TRPC7: variants seen among roughly 807,000 people sequenced by gnomAD.
The protein encoded by TRPC7 is short transient receptor potential channel 7.
A neutral mutation model predicts 90.1 loss-of-function variants in TRPC7; 42 were observed. The ratio of observed to expected loss-of-function variants is 0.47; its 90% confidence interval spans 0.36 to 0.60. The LOEUF is 0.60. Among genes scored for constraint, TRPC7 ranks in the 20% least tolerant of loss-of-function variants. The probability of loss-of-function intolerance (pLI) is 0.00; values close to 1 mark genes in which losing one functional copy is unlikely to be tolerated. For missense variants in TRPC7, 955 were observed against 1,112.3 expected, an observed-to-expected ratio of 0.86 and a Z score of 2.01; for synonymous variants, 451 against 436.3, an observed-to-expected ratio of 1.03 and a Z score of -0.42.
At chr5:136,233,983 G>A (rs1261279667) in intron 7 of TRPC7, among the ~76,000 whole-genome samples, 1 of 152,166 alleles carries the variant, frequency 6.6e-6, no homozygotes, top group Non-Finnish European at 1.5e-5. Flanking sequence ...GTTCCAGCAA[G>A]GTAATATTTA....
At chr5:136,286,079 G>T (rs1757704980) in intron 3 of TRPC7, among the ~76,000 whole-genome samples, 1 of 152,192 alleles carries the variant, frequency 6.6e-6, no homozygotes. Context: ...TTGGAACAGT[G>T]TCCAGTACAT....
At chr5:136,243,442 T>C (rs1280311692) in intron 7 of TRPC7, among the ~76,000 whole-genome samples, 3 of 152,120 alleles carry the variant, frequency 2.0e-5, no homozygotes, top group East Asian at 1.9e-4. Flanking sequence ...CTGAGTTCTA[T>C]AGACTCCTGC....
At chr5:136,287,698 A>C (rs1461562019) in intron 3 of TRPC7, among the ~76,000 whole-genome samples, 1 of 34,648 alleles carries the variant, frequency 2.9e-5, no homozygotes, top group Non-Finnish European at 5.2e-5. Context: ...AAAAAAAAAA[A>C]AAAAAAAAAA....
intron 3 of TRPC7, among the ~76,000 whole-genome samples, chr5:136,305,574 C>T (rs1277862285): frequency 6.6e-6 from 1 of 152,078 alleles, no homozygotes; most frequent in Non-Finnish European, 1.5e-5. Flanking sequence ...ACTAAAATAC[C>T]TCTTAGTCTA....
At chr5:136,316,425 A>G (rs1199664160) in intron 2 of TRPC7, among the ~76,000 whole-genome samples, 1 of 152,220 alleles carries the variant, frequency 6.6e-6, no homozygotes, top group Non-Finnish European at 1.5e-5. Flanking sequence ...TTTAAAAATC[A>G]AATGTAATTT....
chr5:136,361,631 T>A (rs923732784), intron 1 of TRPC7, among the ~76,000 whole-genome samples: 27 of 152,194 alleles, frequency 1.8e-4, no homozygotes, highest in African/African-American at 6.0e-4. Flanking sequence ...ATATTTGTTG[T>A]CTCTTTTCTA....
In TRPC7 at chr5:136,241,815, C is replaced by T. The variant is rs189851118; in HGVS notation, c.1844+5656G>A. ...AAGTGATCCACCTGCCTTGGCCTCC[C>T]AAACTGCTGGGATTATAGGTGTGAG... is the stretch of plus-strand genomic sequence containing the variant. On this transcript the variant is annotated intron_variant, in intron 7 of 11. Coordinates refer to ENST00000513104, the MANE Select transcript of TRPC7 (RefSeq NM_020389.3). Among the ~76,000 whole-genome samples, 215 of 152,312 alleles carry T rather than the reference C, an allele frequency of 1.4e-3. 1 individual carries two copies. Among genetic ancestry groups the T allele is most frequent in the African/African-American group, 4.7e-3 (195 of 41,560 alleles).
At chr5:136,333,509 C>T (rs1265102479) in intron 2 of TRPC7, among the ~76,000 whole-genome samples, 2 of 152,126 alleles carry the variant, frequency 1.3e-5, no homozygotes, top group Non-Finnish European at 2.9e-5. Flanking sequence ...GTGAGGGCCA[C>T]GAAAACCTTT....
chr5:136,227,419 G>A (rs1231316445), intron 8 of TRPC7, among the ~76,000 whole-genome samples: 1 of 152,116 alleles, frequency 6.6e-6, no homozygotes, highest in African/African-American at 2.4e-5. Flanking sequence ...CTGAGCAGTG[G>A]GTTCCTCTTT....
intron 7 of TRPC7, among the ~76,000 whole-genome samples, chr5:136,241,804 C>T (rs1460730730): frequency 6.6e-6 from 1 of 152,200 alleles, no homozygotes; most frequent in African/African-American, 2.4e-5. Context: ...GATCCACCTG[C>T]CTTGGCCTCC....
chr5:136,231,226 C>T (rs954673690), intron 8 of TRPC7, 128 bp downstream of exon 8: 21 of 843,262 alleles, frequency 2.5e-5, no homozygotes, highest in South Asian at 4.5e-5. Context: ...AGGAAGAATG[C>T]CTGTTCTTTG....
chr5:136,251,733 C>T lies in TRPC7; in HGVS notation c.1495G>A (p.Ala499Thr). 6.2e-7 allele frequency: 1 copy of T among 1,613,904 alleles called. No individual in the cohort carries two copies. The highest frequency in any genetic ancestry group is 1.7e-5 in the Admixed American group (1 of 60,022). Reference sequence around the variant, plus strand: ...ACGTGCTGGTCCACGTACAGCTGTGCCTCCGTGGCCTTCAGGAAGGCCATG... The same window carrying T: ...ACGTGCTGGTCCACGTACAGCTGTGTCTCCGTGGCCTTCAGGAAGGCCATG... The part of the protein sequence containing the change: ...RFMAFLKATE[A>T]QLYVDQHVQD... Residue 499 changes from alanine (A) to threonine (T), a missense_variant, in exon 6 of 12, where the codon GCA becomes ACA. Around this residue, in one of 4 missense-constraint regions of TRPC7, gnomAD observed 484 missense variants for 509.6 expected, o/e 0.95. Coordinates refer to ENST00000513104, the MANE Select transcript of TRPC7 (RefSeq NM_020389.3).
chr5:136,258,071 G>A (rs1756741187), intron 5 of TRPC7, among the ~76,000 whole-genome samples: 1 of 152,136 alleles, frequency 6.6e-6, no homozygotes, highest in African/African-American at 2.4e-5. Context: ...GTAACTTCAA[G>A]TACTAAAAGC....
intron 3 of TRPC7, among the ~76,000 whole-genome samples, chr5:136,300,506 T>C (rs1271638301): frequency 2.0e-4 from 30 of 152,224 alleles, no homozygotes; most frequent in Non-Finnish European, 1.5e-5. Context: ...CTTATGGTGG[T>C]AATTTTAGAG....
intron 2 of TRPC7, among the ~76,000 whole-genome samples, chr5:136,351,687 A>G (rs1297299584): frequency 6.6e-6 from 1 of 152,190 alleles, no homozygotes; most frequent in Non-Finnish European, 1.5e-5. Flanking sequence ...TAAGTTTGCA[A>G]GCAGATTACA....
At chr5:136,215,236 G>A (rs548658402) in intron 11 of TRPC7, among the ~76,000 whole-genome samples, 7 of 152,120 alleles carry the variant, frequency 4.6e-5, no homozygotes, top group Non-Finnish European at 1.0e-4. Flanking sequence ...TCTGCTCAGT[G>A]GATGTGCACC....
chr5:136,294,084 C>A (rs1403077097), intron 3 of TRPC7, among the ~76,000 whole-genome samples: 1 of 152,080 alleles, frequency 6.6e-6, no homozygotes, highest in Admixed American at 6.5e-5. Flanking sequence ...AACTGGCTAG[C>A]CATATGTAGA....
intron 2 of TRPC7, among the ~76,000 whole-genome samples, chr5:136,332,183 C>G (rs111593354): frequency 2.0e-5 from 3 of 151,738 alleles, no homozygotes; most frequent in African/African-American, 7.3e-5. Flanking sequence ...AGAGGGTCCC[C>G]GTGCTAAGAG....
At chr5:136,251,294 C>A (rs1756509185) in intron 6 of TRPC7, among the ~76,000 whole-genome samples, 1 of 152,116 alleles carries the variant, frequency 6.6e-6, no homozygotes, top group South Asian at 2.1e-4. Context: ...ATATACATAT[C>A]CCTTTAGCGC....
Sources: gnomAD v4.1 joint callset for allele counts (sites outside exome capture counted in the v4.1 genomes callset) on GRCh38, gnomAD v4.1.1 for gene constraint, gnomAD v4.1.1 regional missense constraint, MANE v1.5 for transcripts, NCBI Gene and HGNC (gene_info 2026-07-23, HGNC 2026-07-21) for gene names.